GRB14: variants seen among roughly 807,000 people sequenced by gnomAD.
GRB14 encodes the protein growth factor receptor-bound protein 14.
GRB14 carries 38 observed loss-of-function variants against 69.1 expected under a neutral mutation model. The observed-to-expected ratio is 0.55, with a 90% CI of 0.42 to 0.72. The LOEUF (loss-of-function observed/expected upper bound fraction) is 0.72, where lower values mean the gene tolerates loss of function less well. Among genes scored for constraint, GRB14 ranks in the 30% least tolerant of loss-of-function variants. GRB14 has a pLI of 0.00. For missense variants in GRB14, 666 were observed against 666.1 expected, an observed-to-expected ratio of 1.00 and a Z score of 0.00; for synonymous variants, 247 against 241.3, an observed-to-expected ratio of 1.02 and a Z score of -0.22.
intron 9 of GRB14, among the ~76,000 whole-genome samples, chr2:164,500,912 T>C (rs2105258967): frequency 6.6e-6 from 1 of 152,266 alleles, no homozygotes; most frequent in East Asian, 1.9e-4. Flanking sequence ...ACTTCATTTA[T>C]AACCATTTTT....
intron 8 of GRB14, among the ~76,000 whole-genome samples, chr2:164,503,806 A>G (rs1327807726): frequency 6.6e-6 from 1 of 152,210 alleles, no homozygotes; most frequent in Non-Finnish European, 1.5e-5. Flanking sequence ...TGCATTGAAA[A>G]GCCAGCTGCC....
At position 164,508,539 on chromosome 2, in the gene GRB14, C is replaced by G; in HGVS notation, c.939G>C (p.Ala313=). ...NYGFCFKPNK[A]GGPRDLKMLC... is the part of the protein sequence containing the mutation. ...GCATTTTCAGGTCTCGGGGCCCTCC[C>G]GCTTTGTTAGGCTAGAAGGCCACAG... Residue 313 remains alanine (A), a synonymous_variant, in exon 8 of 14, where the codon GCG becomes GCC. Coordinates refer to ENST00000263915, the MANE Select transcript of GRB14 (RefSeq NM_004490.3). The G allele has an allele frequency of 1.2e-6, 2 of 1,613,904 alleles. No individual in the cohort carries two copies. The highest frequency in any genetic ancestry group is 1.1e-5 in the South Asian group (1 of 91,072).
intron 2 of GRB14, among the ~76,000 whole-genome samples, chr2:164,553,136 ATC>A (rs1307732862): frequency 1.3e-5 from 2 of 152,150 alleles, no homozygotes; most frequent in African/African-American, 4.8e-5. Context: ...TGCATGTTCT[ATC>A]TCTTATTTCA....
At chr2:164,592,654 T>C (rs1689693690) in intron 2 of GRB14, among the ~76,000 whole-genome samples, 1 of 152,274 alleles carries the variant, frequency 6.6e-6, no homozygotes, top group South Asian at 2.1e-4. Context: ...GGAAACCTAC[T>C]CACAATCTAA....
chr2:164,610,748 G>A (rs1392897222), intron 2 of GRB14, among the ~76,000 whole-genome samples: 2 of 151,074 alleles, frequency 1.3e-5, no homozygotes, highest in Non-Finnish European at 1.5e-5. Flanking sequence ...GAACAATAAA[G>A]CCAAGATAAT....
chr2:164,535,037 G>A (rs1688045472), intron 3 of GRB14, among the ~76,000 whole-genome samples: 1 of 152,144 alleles, frequency 6.6e-6, no homozygotes, highest in Non-Finnish European at 1.5e-5. Flanking sequence ...CCACTCATAT[G>A]TAGGTAGAAA....
intron 3 of GRB14, among the ~76,000 whole-genome samples, chr2:164,532,550 T>C (rs1006018242): frequency 1.3e-5 from 2 of 152,124 alleles, no homozygotes; most frequent in African/African-American, 4.8e-5. Context: ...CAATCACATA[T>C]ATCCTTTTAA....
chr2:164,496,960 G>T, intron 12 of GRB14, 48 bp downstream of exon 12: 1 of 1,408,470 alleles, frequency 7.1e-7, no homozygotes, highest in East Asian at 2.3e-5. Flanking sequence ...TCTGCTTATA[G>T]GAGAAATCCA....
At position 164,608,379 on chromosome 2, in the gene GRB14, GCAAA is replaced by G; in HGVS notation, c.324+11304_324+11307del. On this transcript the variant is annotated intron_variant, in intron 2 of 13. Coordinates refer to ENST00000263915, the MANE Select transcript of GRB14 (RefSeq NM_004490.3). ...GAGCGAGACTCCCTCTAAAAAAAAA[GCAAA>G]CAAAGTTAAATTTTGAGAAAAAAAA... 1.3e-5 allele frequency among the ~76,000 whole-genome samples: 2 copies of G among 151,346 alleles called. 1 individual carries two copies. The highest frequency in any genetic ancestry group is 4.2e-4 in the South Asian group (2 of 4,750).
intron 2 of GRB14, among the ~76,000 whole-genome samples, chr2:164,554,439 A>G (rs1278997543): frequency 6.6e-6 from 1 of 152,192 alleles, no homozygotes; most frequent in Non-Finnish European, 1.5e-5. Context: ...GAAGAATAGG[A>G]AGAAATTTTG....
intron 2 of GRB14, among the ~76,000 whole-genome samples, chr2:164,562,069 C>T (rs1394555717): frequency 6.6e-6 from 1 of 152,186 alleles, no homozygotes; most frequent in Non-Finnish European, 1.5e-5. Context: ...TTTTATCCAA[C>T]TAATTGGTAA....
intron 2 of GRB14, among the ~76,000 whole-genome samples, chr2:164,602,177 G>C (rs1294216549): frequency 6.7e-6 from 1 of 149,852 alleles, no homozygotes. Context: ...GAAGGGAAGA[G>C]AAGGGAAGGG....
Position 164,502,330 on chromosome 2 carries a change from G to T in GRB14, c.1029C>A (p.Gly343=). ...GCATATAATTCTGGTACAGCTGCAT[G>T]CCATACTGCAGAATAAATAAATAAA... is the stretch of plus-strand genomic sequence containing the variant. ...WVTAIRLLKY[G]MQLYQNYMHP... The change falls in exon 9 of 14, where the codon GGC becomes GGA. Residue 343 remains glycine (G), a synonymous_variant. Coordinates refer to ENST00000263915, the MANE Select transcript of GRB14 (RefSeq NM_004490.3). 1 of 1,558,186 alleles carries T rather than the reference G, an allele frequency of 6.4e-7. No individual in the cohort carries two copies. Among genetic ancestry groups the T allele is most frequent in the Non-Finnish European group, 8.8e-7 (1 of 1,130,734 alleles).
At chr2:164,602,654 A>C (rs1689946996) in intron 2 of GRB14, among the ~76,000 whole-genome samples, 1 of 152,244 alleles carries the variant, frequency 6.6e-6, no homozygotes, top group Non-Finnish European at 1.5e-5. Flanking sequence ...GTGTTATCTG[A>C]AACTTCAGTT....
chr2:164,495,220 G>A (rs575641358), intron 12 of GRB14, among the ~76,000 whole-genome samples: 8 of 152,058 alleles, frequency 5.3e-5, no homozygotes, highest in Non-Finnish European at 5.9e-5. Flanking sequence ...GAGATTACAG[G>A]CATGAGCCAC....
chr2:164,550,556 A>G (rs1688508324), intron 2 of GRB14, among the ~76,000 whole-genome samples: 1 of 152,216 alleles, frequency 6.6e-6, no homozygotes, highest in Non-Finnish European at 1.5e-5. Context: ...TATTTTGTAC[A>G]TCTATTGGAG....
chr2:164,591,444 C>A (rs1430599383), intron 2 of GRB14, among the ~76,000 whole-genome samples: 1 of 152,174 alleles, frequency 6.6e-6, no homozygotes, highest in Non-Finnish European at 1.5e-5. Flanking sequence ...AATAGACCCT[C>A]AGGCCCAGGG....
intron 2 of GRB14, among the ~76,000 whole-genome samples, chr2:164,573,407 C>T (rs1689165876): frequency 6.6e-6 from 1 of 152,166 alleles, no homozygotes; most frequent in Non-Finnish European, 1.5e-5. Context: ...GTCTTCTTTA[C>T]AGGAAAATGT....
At chr2:164,528,878 C>T (rs1220034931) in intron 3 of GRB14, among the ~76,000 whole-genome samples, 1 of 152,046 alleles carries the variant, frequency 6.6e-6, no homozygotes, top group East Asian at 1.9e-4. Flanking sequence ...CATAAAATTA[C>T]CATAGGATCA....
Sources: allele counts gnomAD v4.1 joint callset (sites outside exome capture counted in the v4.1 genomes callset), GRCh38; gene constraint gnomAD v4.1.1; transcripts MANE v1.5; gene names NCBI Gene and HGNC (gene_info 2026-07-23, HGNC 2026-07-21).